GCKR: variants seen among roughly 807,000 people sequenced by gnomAD.
GCKR encodes the protein glucokinase regulatory protein.
A neutral mutation model predicts 82.9 loss-of-function variants in GCKR; 73 were observed. The observed-to-expected ratio is 0.88, with a 90% CI of 0.73 to 1.07. The LOEUF (loss-of-function observed/expected upper bound fraction) is 1.07. GCKR is among the 50% of genes least tolerant of loss of function. The pLI is 0.00. For missense variants in GCKR, 784 were observed against 782.1 expected (o/e 1.00, Z -0.03); for synonymous variants, 294 against 291.8 (o/e 1.01, Z -0.08).
chr2:27,507,074 C>T (rs1450155109), intron 12 of GCKR, among the ~76,000 whole-genome samples, 161 bp from the exon 13 acceptor site: 4 of 152,188 alleles, frequency 2.6e-5, no homozygotes, highest in African/African-American at 9.7e-5. Context: ...CTTCTCAGCT[C>T]CCACCCCTGT....
rs557426519 is a variant in GCKR at position 27,508,459 on chromosome 2, G to T, written c.1422+208G>T. Among the ~76,000 whole-genome samples the T allele has an allele frequency of 2.6e-5, 4 of 152,288 alleles. No homozygotes were observed. In the East Asian group the frequency reaches 7.7e-4, roughly 29 times the overall value. The stretch of plus-strand genomic sequence containing the variant: ...TGGGCTCAGCTGTCTCTAGGAATAT[G>T]CAAAAAGTTGCGGGATAGGCCTCCA... On this transcript the variant is annotated intron_variant, in intron 16 of 18. Transcript: ENST00000264717.
chr2:27,521,224 A>G (rs745836313), intron 17 of GCKR, among the ~76,000 whole-genome samples: 3 of 152,132 alleles, frequency 2.0e-5, no homozygotes, highest in African/African-American at 4.8e-5. Context: ...AATAAAATAT[A>G]TTATTAAAAT....
chr2:27,499,105 C>T (rs748380298), intron 5 of GCKR, 37 bp from the exon 6 acceptor site: 2 of 1,324,402 alleles, frequency 1.5e-6, no homozygotes, highest in East Asian at 4.6e-5. Context: ...CTTCTGCTTT[C>T]CAGCCACTGC....
chr2:27,505,075 A>G (rs1212750803), intron 9 of GCKR, among the ~76,000 whole-genome samples: 4 of 145,578 alleles, frequency 2.7e-5, no homozygotes, highest in South Asian at 2.2e-4. Context: ...GCAGTGATCC[A>G]AGATCGTGCC....
intron 4 of GCKR, 66 bp downstream of exon 4, chr2:27,498,389 G>C (rs1193707150): frequency 5.6e-6 from 7 of 1,260,782 alleles, no homozygotes; most frequent in African/African-American, 1.5e-5. Flanking sequence ...GGACCATAAA[G>C]ATCATCATAA....
intron 8 of GCKR, 92 bp from the exon 9 acceptor site, chr2:27,503,422 C>T (rs1474036624): frequency 3.9e-6 from 3 of 759,678 alleles, no homozygotes; most frequent in African/African-American, 3.4e-5. Context: ...GACCTCAATC[C>T]CAATGCAGTC....
chr2:27,497,071 G>A (rs956682049), intron 1 of GCKR, 107 bp downstream of exon 1: 15 of 1,223,034 alleles, frequency 1.2e-5, no homozygotes, highest in Admixed American at 5.2e-5. Context: ...CCTTCCTGAT[G>A]TTCTTTCCCT....
chr2:27,512,080 A>T (rs967971870), intron 16 of GCKR, among the ~76,000 whole-genome samples: 4 of 152,028 alleles, frequency 2.6e-5, no homozygotes, highest in African/African-American at 7.2e-5. Flanking sequence ...CTCTACTAAA[A>T]ATACAAAAAT....
chr2:27,521,684 A>G (rs1268113327), intron 17 of GCKR, among the ~76,000 whole-genome samples: 1 of 150,732 alleles, frequency 6.6e-6, no homozygotes, highest in East Asian at 2.0e-4. Flanking sequence ...TGAAAACTTA[A>G]ACTTACATAT....
Position 27,522,524 on chromosome 2 carries a change from A to G in GCKR, c.1637A>G (p.Gln546Arg). 1 of 1,613,964 alleles carries G rather than the reference A, an allele frequency of 6.2e-7. No individual in the cohort carries two copies. Among genetic ancestry groups the G allele is most frequent in the Non-Finnish European group, 8.5e-7 (1 of 1,179,840 alleles). The change falls in exon 18 of 19, where the codon CAG becomes CGG. Residue 546 changes from glutamine to arginine, a missense_variant. Gln to Arg is a conservative substitution (Grantham distance 43). Transcript: ENST00000264717. ...CTCCTCCGAGCGATCCACTTTCCCC[A>G]GCCACTGTCAGATGATATTCGGGCT... ...ESLLRAIHFP[Q>R]PLSDDIRAAP... is the part of the protein sequence containing the mutation.
At chr2:27,518,000 T>C (rs867929613) in intron 16 of GCKR, among the ~76,000 whole-genome samples, 7 of 152,212 alleles carry the variant, frequency 4.6e-5, no homozygotes, top group African/African-American at 1.4e-4. Context: ...GGTAAACTTA[T>C]TCTGTAGGGC....
intron 6 of GCKR, 76 bp from the exon 7 acceptor site, chr2:27,499,321 C>T: frequency 7.3e-7 from 1 of 1,369,102 alleles, no homozygotes. Flanking sequence ...TGTTCCTGGC[C>T]CTGATATCCT....
At chr2:27,509,514 AT>A (rs769476005) in intron 16 of GCKR, 85 of 440,978 alleles carry the variant, frequency 1.9e-4, no homozygotes, top group Non-Finnish European at 2.4e-4. Context: ...TAATTTTTGT[AT>A]TTTTTTTGTA....
Position 27,507,706 on chromosome 2 carries a change from A to G in GCKR, c.1169A>G (p.Glu390Gly). Residue 390 changes from glutamate to glycine, a missense_variant, in exon 14 of 19, where the codon GAG (glutamate) becomes GGG (glycine). Glu to Gly is a moderately conservative substitution (Grantham distance 98, BLOSUM62 -2). Coordinates refer to ENST00000264717, the MANE Select transcript of GCKR (RefSeq NM_001486.4). ...GGTCCCCAGTTCACCTTCTCCCAGG[A>G]GGACTTCCTGACTTCCATCCTTCCC... ...NQGPQFTFSQ[E>G]DFLTSILPSL... 2 of 1,606,700 alleles carry G rather than the reference A, an allele frequency of 1.2e-6. No homozygotes were observed. The highest frequency in any genetic ancestry group is 1.7e-6 in the Non-Finnish European group (2 of 1,173,576).
chr2:27,519,213 G>A (rs967047431), intron 17 of GCKR, among the ~76,000 whole-genome samples: 1 of 152,140 alleles, frequency 6.6e-6, no homozygotes, highest in Admixed American at 6.5e-5. Flanking sequence ...GAAAATGGTG[G>A]CTGATATAAC....
intron 17 of GCKR, among the ~76,000 whole-genome samples, chr2:27,520,469 A>G (rs1670123301): frequency 6.6e-6 from 1 of 152,124 alleles, no homozygotes; most frequent in Non-Finnish European, 1.5e-5. Context: ...GCAGTGAGGG[A>G]TTGTGAAGAA....
intron 16 of GCKR, among the ~76,000 whole-genome samples, chr2:27,514,291 A>G (rs560097325): frequency 1.3e-5 from 2 of 152,186 alleles, no homozygotes; most frequent in African/African-American, 4.8e-5. Context: ...CTATATATAC[A>G]TCTATATAAA....
chr2:27,506,007 T>C (rs1669730760), intron 10 of GCKR, among the ~76,000 whole-genome samples, 171 bp downstream of exon 10: 1 of 152,160 alleles, frequency 6.6e-6, no homozygotes, highest in African/African-American at 2.4e-5. Context: ...TCCCACCTCA[T>C]AGTTGCAGAG....
At position 27,497,613 on chromosome 2, in the gene GCKR, G is replaced by A. The variant is rs767841258; in HGVS notation, c.268G>A (p.Val90Ile). 1 of 1,610,706 alleles carries A rather than the reference G, an allele frequency of 6.2e-7. No individual in the cohort carries two copies. Among genetic ancestry groups the A allele is most frequent in the Non-Finnish European group, 8.5e-7 (1 of 1,176,870 alleles). Residue 90 changes from valine (V) to isoleucine (I), a missense_variant, in exon 3 of 19, where the codon GTT becomes ATT. Coordinates refer to ENST00000264717, the MANE Select transcript of GCKR (RefSeq NM_001486.4). ...LTTMVQVAGKVQEVLKEPDGG... is the reference protein window; with the variant it reads ...LTTMVQVAGKIQEVLKEPDGG... Reference sequence around the variant, plus strand: ...CACCATGGTACAGGTGGCTGGGAAAGTTCAGGAAGTGCTGAAGGTACTAAC... The same window carrying A: ...CACCATGGTACAGGTGGCTGGGAAAATTCAGGAAGTGCTGAAGGTACTAAC...
Sources: allele counts gnomAD v4.1 joint callset (sites outside exome capture counted in the v4.1 genomes callset), GRCh38; gene constraint gnomAD v4.1.1; transcripts MANE v1.5; gene names NCBI Gene and HGNC (gene_info 2026-07-23, HGNC 2026-07-21).